Variants in PLS3 observed in about 807,000 individuals in gnomAD.
PLS3 encodes the protein plastin-3.
In PLS3, 11 loss-of-function variants were observed where a neutral mutation model predicts 46.5. The ratio of observed to expected loss-of-function variants is 0.24; its 90% CI spans 0.15 to 0.39. The LOEUF (loss-of-function observed/expected upper bound fraction) is 0.39, where lower values mean the gene tolerates loss of function less well. Ranked by LOEUF, PLS3 falls within the 10% of genes least tolerant of loss-of-function variation. The pLI, the probability that PLS3 is intolerant of heterozygous loss-of-function variation, is 1.00. For missense variants in PLS3, 308 were observed against 461.8 expected (o/e 0.67, Z 3.05); for synonymous variants, 167 against 162.2 (o/e 1.03, Z -0.22).
At chrX:115,631,796 C>T (rs2074778726) in intron 5 of PLS3, among the ~76,000 whole-genome samples, 1 of 110,565 alleles carries the variant, frequency 9.0e-6, no homozygotes, top group Admixed American at 9.7e-5. Flanking sequence ...AATAATTTCC[C>T]ATGTGTGTGT....
At chrX:115,646,862 ATC>A (rs1199483454) in intron 13 of PLS3, among the ~76,000 whole-genome samples, 2 of 112,225 alleles carry the variant, frequency 1.8e-5, no homozygotes, top group Non-Finnish European at 3.8e-5. Context: ...GAAAATAAAG[ATC>A]TCTCTCTGTA....
intron 8 of PLS3, 34 bp downstream of exon 8, chrX:115,637,012 G>A: frequency 5.2e-6 from 6 of 1,161,152 alleles, no homozygotes; most frequent in Non-Finnish European, 7.0e-6. Context: ...ATTTTGGGGG[G>A]ATATAATAGC....
At position 115,636,589 on chromosome X, in the gene PLS3, G is replaced by A. The variant is rs2074839223; in HGVS notation, c.749-247G>A. ...ATGTGAAGCTTGCATTAAGCTTAAA[G>A]GCCATAACCTCATTTGGTATTTGAA... On this transcript the variant is annotated intron_variant, in intron 7 of 15. Transcript: ENST00000355899. Among the ~76,000 whole-genome samples the A allele has an allele frequency of 3.6e-5, 4 of 111,623 alleles. No homozygotes were observed. In the South Asian group the frequency reaches 1.5e-3, roughly 42 times the overall value.
At chrX:115,626,610 A>G (rs782274828) in intron 3 of PLS3, among the ~76,000 whole-genome samples, 1 of 110,701 alleles carries the variant, frequency 9.0e-6, no homozygotes, top group African/African-American at 3.3e-5. Flanking sequence ...AAACCAAGGG[A>G]ATAGAGGAAA....
intron 13 of PLS3, among the ~76,000 whole-genome samples, chrX:115,647,330 A>G (rs1556641862): frequency 9.0e-6 from 1 of 111,338 alleles, no homozygotes; most frequent in Non-Finnish European, 1.9e-5. Context: ...CTACTCAGGA[A>G]GCTGAGGCAG....
chrX:115,586,641 G>A (rs989275696), intron 1 of PLS3, among the ~76,000 whole-genome samples: 11 of 100,655 alleles, frequency 1.1e-4, no homozygotes, highest in Non-Finnish European at 1.2e-4. Context: ...ATTGTGCCAC[G>A]CACTCCAGCC....
intron 1 of PLS3, among the ~76,000 whole-genome samples, chrX:115,568,143 G>A (rs2074189536): frequency 9.0e-6 from 1 of 111,558 alleles, no homozygotes; most frequent in Non-Finnish European, 1.9e-5. Flanking sequence ...TTTGGGGCTT[G>A]TGTTTCAGAT....
intron 13 of PLS3, among the ~76,000 whole-genome samples, chrX:115,647,220 G>C (rs2074960853): frequency 9.0e-6 from 1 of 111,450 alleles, no homozygotes; most frequent in East Asian, 2.8e-4. Context: ...GGATCACGAG[G>C]TCAGGAGATC....
chrX:115,576,254 A>C (rs1369852300), intron 1 of PLS3, among the ~76,000 whole-genome samples: 1 of 111,965 alleles, frequency 8.9e-6, no homozygotes, highest in Non-Finnish European at 1.9e-5. Context: ...ATGAGAATGA[A>C]GGAATATAAA....
intron 1 of PLS3, among the ~76,000 whole-genome samples, chrX:115,603,748 C>CA (rs2074466109): frequency 9.0e-6 from 1 of 111,028 alleles, no homozygotes; most frequent in Non-Finnish European, 1.9e-5. Flanking sequence ...GCCTGGGTGA[C>CA]AGAGTGTAAC....
At chrX:115,569,743 G>A (rs1186608843) in intron 1 of PLS3, among the ~76,000 whole-genome samples, 2 of 111,025 alleles carry the variant, frequency 1.8e-5, no homozygotes, top group South Asian at 7.7e-4. Context: ...CAGTTCACTA[G>A]CCTCACTCAC....
chrX:115,589,845 C>T (rs1304979088), intron 1 of PLS3, among the ~76,000 whole-genome samples: 1 of 111,720 alleles, frequency 9.0e-6, no homozygotes, highest in Non-Finnish European at 1.9e-5. Flanking sequence ...TCCACAAGTG[C>T]ATGTGTGTGA....
intron 1 of PLS3, among the ~76,000 whole-genome samples, chrX:115,603,324 C>G (rs1305221835): frequency 1.8e-5 from 2 of 110,989 alleles, no homozygotes; most frequent in South Asian, 7.6e-4. Flanking sequence ...GTTTTACTCC[C>G]TTATTTGAAA....
chrX:115,605,781 A>G (rs896173151), intron 1 of PLS3, among the ~76,000 whole-genome samples: 14 of 112,021 alleles, frequency 1.2e-4, no homozygotes, highest in Non-Finnish European at 7.5e-5. Context: ...GAAGAAAAAA[A>G]GAACTGCGTT....
At chrX:115,615,405 A>G (rs2074587351) in intron 2 of PLS3, among the ~76,000 whole-genome samples, 1 of 108,290 alleles carries the variant, frequency 9.2e-6, no homozygotes, top group Admixed American at 1.0e-4. Context: ...GGAGTTAAAT[A>G]GTATTTAAAA....
At chrX:115,639,622 G>C in intron 8 of PLS3, 1 of 297,633 alleles carries the variant, frequency 3.4e-6, no homozygotes, top group Non-Finnish European at 6.5e-6. Context: ...AAGGAATCTT[G>C]ACTCAAATTC....
At chrX:115,583,886 G>A (rs1426968694) in intron 1 of PLS3, among the ~76,000 whole-genome samples, 1 of 111,217 alleles carries the variant, frequency 9.0e-6, no homozygotes, top group Non-Finnish European at 1.9e-5. Flanking sequence ...GGGAGGGTGT[G>A]TGTGGCAAGT....
chrX:115,562,198 A>G (rs2074142475), intron 1 of PLS3, among the ~76,000 whole-genome samples: 1 of 110,453 alleles, frequency 9.1e-6, no homozygotes, highest in Admixed American at 9.6e-5. Flanking sequence ...CGCAGTACTT[A>G]AGCGCTGTAA....
At chrX:115,581,199 A>T (rs1556631784) in intron 1 of PLS3, among the ~76,000 whole-genome samples, 1 of 112,151 alleles carries the variant, frequency 8.9e-6, no homozygotes, top group South Asian at 3.7e-4. Flanking sequence ...TGTTAATAAG[A>T]TTCCTAAACC....
Sources: gnomAD v4.1 joint callset for allele counts (sites outside exome capture counted in the v4.1 genomes callset) on GRCh38, gnomAD v4.1.1 for gene constraint, MANE v1.5 for transcripts, NCBI Gene and HGNC (gene_info 2026-07-23, HGNC 2026-07-21) for gene names.